The following HAUS4 variants were observed in gnomAD, a reference collection of about 807,000 sequenced individuals.
The protein encoded by HAUS4 is HAUS augmin-like complex subunit 4.
HAUS4 carries 34 observed loss-of-function variants against 50.6 expected under a neutral mutation model. That is an observed-to-expected ratio of 0.67 (90% CI 0.51 to 0.90). The LOEUF (loss-of-function observed/expected upper bound fraction) is 0.90, where lower values mean the gene tolerates loss of function less well. Among genes scored for constraint, HAUS4 ranks in the 40% least tolerant of loss-of-function variants. The pLI, the probability that HAUS4 is intolerant of heterozygous loss-of-function variation, is 0.00. For synonymous variants in HAUS4, 149 were observed against 161.4 expected (o/e 0.92, Z 0.58); for missense variants, 370 against 428.7 (o/e 0.86, Z 1.21).
intron 7 of HAUS4, 54 bp from the exon 8 acceptor site, chr14:22,947,785 G>C: frequency 6.2e-7 from 1 of 1,611,046 alleles, no homozygotes; most frequent in East Asian, 2.2e-5. Flanking sequence ...TAGAAAGGAG[G>C]GTAGATCAGG....
chr14:22,950,448 CTG>C (rs1401838595), intron 5 of HAUS4, 38 bp from the exon 6 acceptor site: 1 of 1,282,324 alleles, frequency 7.8e-7, no homozygotes, highest in Non-Finnish European at 1.1e-6. Context: ...TGCGAATAGA[CTG>C]TAAAAACTAG....
intron 6 of HAUS4, among the ~76,000 whole-genome samples, 183 bp downstream of exon 6, chr14:22,950,128 CAAA>C (rs200256150): frequency 1.8e-5 from 2 of 112,136 alleles, no homozygotes; most frequent in Non-Finnish European, 1.8e-5. Flanking sequence ...AACGCCATCT[CAAA>C]AAAAAAAAAA....
At chr14:22,951,316 A>C (rs1484213419) in intron 5 of HAUS4, among the ~76,000 whole-genome samples, 5 of 152,008 alleles carry the variant, frequency 3.3e-5, no homozygotes, top group African/African-American at 1.2e-4. Context: ...TATACTCTCT[A>C]TATAAGCATG....
chr14:22,951,503 T>G (rs773616333), intron 5 of HAUS4, 52 bp downstream of exon 5: 1 of 1,586,472 alleles, frequency 6.3e-7, no homozygotes, highest in Admixed American at 1.7e-5. Flanking sequence ...TTTAAAGATA[T>G]GGGAGAAATT....
intron 2 of HAUS4, chr14:22,954,578 C>A (rs2139318917): frequency 6.6e-6 from 1 of 152,240 alleles, no homozygotes; most frequent in African/African-American, 2.4e-5. Context: ...GAGTTTTTAG[C>A]CTACTACACA....
intron 7 of HAUS4, 62 bp from the exon 8 acceptor site, chr14:22,947,793 A>G (rs964149276): frequency 6.2e-7 from 1 of 1,611,044 alleles, no homozygotes; most frequent in African/African-American, 1.3e-5. Flanking sequence ...AGGGTAGATC[A>G]GGAATCTTTG....
intron 1 of HAUS4, among the ~76,000 whole-genome samples, chr14:22,956,445 T>A (rs139194515): frequency 4.1e-4 from 63 of 152,314 alleles, no homozygotes; most frequent in African/African-American, 1.5e-3. Context: ...AATTTCGCAC[T>A]TGGAAATGAA....
At chr14:22,955,377 A>G in intron 1 of HAUS4, 2 of 579,688 alleles carry the variant, frequency 3.5e-6, no homozygotes, top group Non-Finnish European at 3.1e-6. Context: ...TACAAGTGCC[A>G]AAACATGTCA....
chr14:22,946,450 G>A lies in HAUS4; in HGVS notation c.*75C>T. The A allele has an allele frequency of 8.3e-7, 1 of 1,208,664 alleles. No homozygotes were observed. Among genetic ancestry groups the A allele is most frequent in the Admixed American group, 2.1e-5 (1 of 47,074 alleles). The allele number at this position is 1,208,664 out of a possible 1,614,324, so 74.9% of individuals were successfully genotyped here. A position where few individuals can be genotyped will look rare whatever the true frequency, so the allele number is the denominator to read the frequency against. On this transcript the variant is annotated 3_prime_UTR_variant, in exon 10 of 10. Coordinates refer to ENST00000541587, the MANE Select transcript of HAUS4 (RefSeq NM_001166269.2). ...CCTTGTACTGAAGGCAGCCCCAGGT[G>A]AAGGTGGTCCCACTAGCAGGAAGAT... is the stretch of plus-strand genomic sequence containing the variant.
chr14:22,947,925 C>A lies in HAUS4; in HGVS notation c.651G>T (p.Lys217Asn). 1 of 1,614,158 alleles carries A rather than the reference C, an allele frequency of 6.2e-7. No homozygotes were observed. The highest frequency in any genetic ancestry group is 8.5e-7 in the Non-Finnish European group (1 of 1,180,016). The change falls in exon 7 of 10, where the codon AAG becomes AAT. Residue 217 changes from lysine (K) to asparagine (N), a missense_variant. By Grantham distance (94) the Lys-to-Asn change is moderately conservative. Transcript: ENST00000541587. ...VGEQQQCQDA[K>N]SQQKEQMLLL... The stretch of plus-strand genomic sequence containing the variant: ...GCAACATCTGCTCCTTCTGCTGGCT[C>A]TTGGCATCCTGGCACTGCTGCTGCT...
chr14:22,953,350 T>C (rs1305858536), intron 2 of HAUS4, among the ~76,000 whole-genome samples: 1 of 152,124 alleles, frequency 6.6e-6, no homozygotes, highest in Non-Finnish European at 1.5e-5. Flanking sequence ...TTGCCCAGGC[T>C]GGTCTTGAAC....
Position 22,950,351 on chromosome 14 carries a change from TTTC to T in HAUS4, c.522_524del (p.Lys175del). The T allele has an allele frequency of 6.2e-7, 1 of 1,612,984 alleles. No homozygotes were observed. On this transcript the variant is annotated inframe_deletion, in exon 6 of 10. Coordinates refer to ENST00000541587, the MANE Select transcript of HAUS4 (RefSeq NM_001166269.2). ...CATAGTAGCAGAGCAGAGTGAAACA[TTTC>T]TTTTTGAGCTGCTCCTCTACTTCTT...
chr14:22,955,855 G>A (rs546005953), intron 1 of HAUS4, among the ~76,000 whole-genome samples: 33 of 152,242 alleles, frequency 2.2e-4, no homozygotes, highest in African/African-American at 7.9e-4. Flanking sequence ...CAACGAGAAC[G>A]TGAGCTGTGG....
intron 5 of HAUS4, among the ~76,000 whole-genome samples, chr14:22,951,216 G>C (rs1433934176): frequency 3.3e-5 from 5 of 151,562 alleles, no homozygotes; most frequent in Non-Finnish European, 7.4e-5. Context: ...TGTTGCCCAG[G>C]CTGGTCTTGA....
chr14:22,946,481 G>A lies in HAUS4; in HGVS notation c.*44C>T, dbSNP rs1400346872. ...GGTCCCACTAGCAGGAAGATTAGGAGGCAGCAGCTATGCAGAAGCCATGTC... is the reference window on the plus strand; with the variant it reads ...GGTCCCACTAGCAGGAAGATTAGGAAGCAGCAGCTATGCAGAAGCCATGTC... On this transcript the variant is annotated 3_prime_UTR_variant, in exon 10 of 10. Transcript: ENST00000541587. The A allele has an allele frequency of 2.0e-6, 3 of 1,512,248 alleles. No individual in the cohort carries two copies. The highest frequency in any genetic ancestry group is 1.8e-5 in the Admixed American group (1 of 54,416). The allele number at this position is 1,512,248 out of a possible 1,614,324, so 93.7% of individuals were successfully genotyped here.
At chr14:22,950,777 T>C (rs1284935744) in intron 5 of HAUS4, among the ~76,000 whole-genome samples, 1 of 152,204 alleles carries the variant, frequency 6.6e-6, no homozygotes, top group Non-Finnish European at 1.5e-5. Context: ...CTCCCTGTGG[T>C]TTCTAACAGC....
At chr14:22,949,296 A>C (rs2044705094) in intron 6 of HAUS4, among the ~76,000 whole-genome samples, 1 of 151,660 alleles carries the variant, frequency 6.6e-6, no homozygotes, top group Non-Finnish European at 1.5e-5. Flanking sequence ...TTGGGAGGCC[A>C]AGGTGGGTAG....
At chr14:22,950,600 AACATGGGGGAT>A (rs1028714089) in intron 5 of HAUS4, among the ~76,000 whole-genome samples, 190 bp from the exon 6 acceptor site, 9 of 152,216 alleles carry the variant, frequency 5.9e-5, no homozygotes, top group African/African-American at 1.9e-4. Flanking sequence ...TGTTGGTGAG[AACATGGGGGAT>A]CCAGGAGCCC....
intron 2 of HAUS4, among the ~76,000 whole-genome samples, chr14:22,953,617 TTTTG>T (rs2139315143): frequency 6.7e-6 from 1 of 149,294 alleles, no homozygotes; most frequent in East Asian, 2.1e-4. Flanking sequence ...GGCTAATATT[TTTTG>T]TTTTTTGTTT....
Sources: allele counts gnomAD v4.1 joint callset (sites outside exome capture counted in the v4.1 genomes callset), GRCh38; gene constraint gnomAD v4.1.1; transcripts MANE v1.5; gene names NCBI Gene and HGNC (gene_info 2026-07-23, HGNC 2026-07-21).